Variants in GRK5 observed in about 807,000 individuals in gnomAD.
GRK5 encodes G protein-coupled receptor kinase 5, also known as g protein-coupled receptor kinase GRK5.
In GRK5, 40 loss-of-function variants were observed where a neutral mutation model predicts 78.4. The observed-to-expected ratio is 0.51, with a 90% CI of 0.40 to 0.66. The LOEUF (loss-of-function observed/expected upper bound fraction) is 0.66. Among genes scored for constraint, GRK5 ranks in the 30% least tolerant of loss-of-function variants. GRK5 has a pLI of 0.00. For missense variants in GRK5, 598 were observed against 759.9 expected (o/e 0.79, Z 2.50); for synonymous variants, 289 against 296.8 (o/e 0.97, Z 0.27).
intron 1 of GRK5, among the ~76,000 whole-genome samples, chr10:119,316,861 G>T (rs888082678): frequency 2.0e-5 from 3 of 152,180 alleles, no homozygotes; most frequent in Non-Finnish European, 2.9e-5. Flanking sequence ...CTGGCCCCCC[G>T]TCCCTCCCTG....
At chr10:119,385,134 G>T (rs1023418720) in intron 3 of GRK5, among the ~76,000 whole-genome samples, 1 of 152,170 alleles carries the variant, frequency 6.6e-6, no homozygotes, top group Admixed American at 6.5e-5. Context: ...AGGGGCAGAG[G>T]GGGTAGGAGA....
intron 12 of GRK5, among the ~76,000 whole-genome samples, chr10:119,444,807 C>T (rs942565491): frequency 6.6e-6 from 1 of 152,236 alleles, no homozygotes; most frequent in Non-Finnish European, 1.5e-5. Context: ...TCTGCAGGCA[C>T]TTTTGGGGCA....
intron 1 of GRK5, among the ~76,000 whole-genome samples, chr10:119,261,038 A>AC (rs59081445): frequency 0.1 from 627 of 6,158 alleles, no homozygotes; most frequent in South Asian, 0.15. Flanking sequence ...CAGGGGGCTG[A>AC]CCCCCCCACC....
chr10:119,421,283 G>A (rs1319686948), intron 4 of GRK5, among the ~76,000 whole-genome samples: 1 of 152,214 alleles, frequency 6.6e-6, no homozygotes, highest in Admixed American at 6.5e-5. Flanking sequence ...AAGTAGCCTG[G>A]AGGTACTGGT....
intron 1 of GRK5, among the ~76,000 whole-genome samples, chr10:119,246,019 C>CAAAA (rs941734040): frequency 4.3e-4 from 6 of 14,024 alleles, no homozygotes; most frequent in Non-Finnish European, 6.9e-4. Flanking sequence ...GACTCCATCT[C>CAAAA]AAAAAAAAAA....
At chr10:119,208,055 C>T in intron 1 of GRK5, 86 bp downstream of exon 1, 1 of 1,321,778 alleles carries the variant, frequency 7.6e-7, no homozygotes. Flanking sequence ...GGGGCTGCGC[C>T]CGTGCAGGAT....
At position 119,261,759 on chromosome 10, in the gene GRK5, C is replaced by T. The variant is rs1353056395; in HGVS notation, c.52+53790C>T. 3.3e-5 allele frequency among the ~76,000 whole-genome samples: 5 copies of T among 152,268 alleles called. No individual in the cohort carries two copies. In the East Asian group the frequency reaches 9.6e-4, roughly 29 times the overall value. On this transcript the variant is annotated intron_variant, in intron 1 of 15. Transcript: ENST00000392870. ...CAAAAAAATACAAAAACCAGTCAGG[C>T]GTGGCGGCGCGCGCCTGCAATTGCA... is the stretch of plus-strand genomic sequence containing the variant.
At chr10:119,435,551 G>A (rs1460618731) in intron 8 of GRK5, among the ~76,000 whole-genome samples, 5 of 152,198 alleles carry the variant, frequency 3.3e-5, no homozygotes, top group African/African-American at 9.7e-5. Flanking sequence ...CTTTGCTCCA[G>A]TTCCCAACAA....
intron 1 of GRK5, among the ~76,000 whole-genome samples, chr10:119,246,986 AG>A (rs1368821662): frequency 8.5e-5 from 13 of 152,208 alleles, no homozygotes; most frequent in Non-Finnish European, 4.4e-5. Flanking sequence ...AGATCTGAGA[AG>A]GAATCTGGGA....
rs1311378687 is a variant in GRK5, at chr10:119,412,677, G to A, written c.340-10489G>A. 1.3e-5 allele frequency among the ~76,000 whole-genome samples: 2 copies of A among 152,194 alleles called. No individual in the cohort carries two copies. Among genetic ancestry groups the A allele is most frequent in the Non-Finnish European group, 2.9e-5 (2 of 68,034 alleles). ...CCCTGAAGGTTTTGATTAAAAAGGT[G>A]GAAGAATGGTGCTTTTTCTTCCTGT... On this transcript the variant is annotated intron_variant, in intron 4 of 15. Transcript: ENST00000392870. The surrounding 1 kb of genome is among the most constrained non-coding windows in gnomAD (Gnocchi z 4.3).
Position 119,441,952 on chromosome 10 carries a change from C to G in GRK5, c.968-47C>G, listed in dbSNP as rs750255115. ...CAAGGGCACACAGCAAGGCCGGGTG[C>G]CCATGCGGCTGTCCCAGGGACCCAC... On this transcript the variant is annotated intron_variant, in intron 10 of 15. Coordinates refer to ENST00000392870, the MANE Select transcript of GRK5 (RefSeq NM_005308.3). 14 of 1,486,664 alleles carry G rather than the reference C, an allele frequency of 9.4e-6. No homozygotes were observed. In the South Asian group the frequency reaches 1.5e-4, roughly 16 times the overall value. The allele number at this position is 1,486,664 out of a possible 1,614,324, so 92.1% of individuals were successfully genotyped here.
At chr10:119,404,215 G>A (rs957096805) in intron 4 of GRK5, among the ~76,000 whole-genome samples, 1 of 152,174 alleles carries the variant, frequency 6.6e-6, no homozygotes, top group African/African-American at 2.4e-5. Context: ...ATCTTAGTGG[G>A]TGTGAAGTGG....
intron 1 of GRK5, among the ~76,000 whole-genome samples, chr10:119,285,881 C>T (rs1444687167): frequency 2.0e-5 from 3 of 152,258 alleles, no homozygotes; most frequent in African/African-American, 7.2e-5. Flanking sequence ...CTCATGACTT[C>T]CTGGCAGAAC....
chr10:119,238,024 A>C lies in GRK5; in HGVS notation c.52+30055A>C, dbSNP rs561335020. ...CTTGCTTCTTGCATTTCCTGTCTTT[A>C]AACTTACGAACTAAAGGGCTTGAGG... On this transcript the variant is annotated intron_variant, in intron 1 of 15. Transcript: ENST00000392870. The surrounding 1 kb of genome is among the most constrained non-coding windows in gnomAD (Gnocchi z 4.7). 6.6e-6 allele frequency among the ~76,000 whole-genome samples: 1 copy of C among 152,268 alleles called. No individual in the cohort carries two copies. Among genetic ancestry groups the C allele is most frequent in the Admixed American group, 6.5e-5 (1 of 15,284 alleles).
At chr10:119,368,181 G>A (rs1851482073) in intron 2 of GRK5, among the ~76,000 whole-genome samples, 1 of 152,248 alleles carries the variant, frequency 6.6e-6, no homozygotes, top group Non-Finnish European at 1.5e-5. Context: ...GCTGGGCATT[G>A]CCATGTGAAG....
Position 119,378,496 on chromosome 10 carries a change from A to G in GRK5, c.149-2319A>G, listed in dbSNP as rs1018779138. On this transcript the variant is annotated intron_variant, in intron 2 of 15. Coordinates refer to ENST00000392870, the MANE Select transcript of GRK5 (RefSeq NM_005308.3). The surrounding 1 kb of genome is among the most constrained non-coding windows in gnomAD (Gnocchi z 4.5). ...GACCGGGCGAATTCCTCCCAAAAAA[A>G]CCTTGCCCTCAGGTAGGTTACCCAT... Among the ~76,000 whole-genome samples the G allele has an allele frequency of 2.6e-5, 4 of 152,328 alleles. No homozygotes were observed. The highest frequency in any genetic ancestry group is 6.5e-5 in the Admixed American group (1 of 15,306).
intron 1 of GRK5, among the ~76,000 whole-genome samples, chr10:119,313,185 A>ATGGTAG (rs1850418127): frequency 7.6e-6 from 1 of 131,004 alleles, no homozygotes; most frequent in African/African-American, 3.0e-5. Context: ...GGTGATGGTG[A>ATGGTAG]TGATGATGGT....
chr10:119,315,944 G>T (rs1850480085), intron 1 of GRK5, among the ~76,000 whole-genome samples: 1 of 152,190 alleles, frequency 6.6e-6, no homozygotes, highest in South Asian at 2.1e-4. Flanking sequence ...AACAAATGTG[G>T]TCCCCTGCAT....
rs1467181968 is a variant in GRK5 at position 119,443,619 on chromosome 10, T to C, written c.1133T>C (p.Met378Thr). Residue 378 changes from methionine (M) to threonine (T), a missense_variant, in exon 12 of 16, where the codon ATG becomes ACG. Transcript: ENST00000392870. ...YWGLGCLIYE[M>T]IEGQSPFRGR... Reference sequence around the variant, plus strand: ...GGCCTTGGCTGCCTCATCTATGAGATGATCGAGGGCCAGTCGCCGTTCCGC... The same window carrying C: ...GGCCTTGGCTGCCTCATCTATGAGACGATCGAGGGCCAGTCGCCGTTCCGC... The C allele has an allele frequency of 1.9e-6, 3 of 1,613,542 alleles. No homozygotes were observed. Among genetic ancestry groups the C allele is most frequent in the Non-Finnish European group, 2.5e-6 (3 of 1,179,898 alleles).
Sources: gnomAD v4.1 joint callset for allele counts (sites outside exome capture counted in the v4.1 genomes callset) on GRCh38, gnomAD v4.1.1 for gene constraint, Gnocchi (gnomAD v3.1) non-coding constraint, MANE v1.5 for transcripts, NCBI Gene and HGNC (gene_info 2026-07-23, HGNC 2026-07-21) for gene names.